Variants in ABTB3 observed in about 807,000 individuals in gnomAD.
ABTB3 encodes ankyrin repeat- and BTB/POZ domain-containing protein 3.
the ABTB3 span, among the ~76,000 whole-genome samples, chr12:107,338,845 T>A: frequency 6.6e-6 from 1 of 152,154 alleles, no homozygotes; most frequent in Non-Finnish European, 1.5e-5. Flanking sequence ...AGACAGAGTC[T>A]CTCTCTATTG....
the ABTB3 span, among the ~76,000 whole-genome samples, chr12:107,519,094 C>G: frequency 6.6e-6 from 1 of 152,100 alleles, no homozygotes; most frequent in Non-Finnish European, 1.5e-5. Flanking sequence ...TAGTTTTCAC[C>G]ACAATAACGG....
chr12:107,449,321 A>T, the ABTB3 span, among the ~76,000 whole-genome samples: 1 of 152,034 alleles, frequency 6.6e-6, no homozygotes, highest in Non-Finnish European at 1.5e-5. Context: ...GATGAAGCAG[A>T]CCTCCCAGCA....
chr12:107,385,766 G>A, the ABTB3 span, among the ~76,000 whole-genome samples: 5 of 152,284 alleles, frequency 3.3e-5, no homozygotes, highest in African/African-American at 1.2e-4. Context: ...CCTGACTCAA[G>A]TTGGGCAGTC....
chr12:107,329,196 G>T, the ABTB3 span, among the ~76,000 whole-genome samples: 1 of 152,308 alleles, frequency 6.6e-6, no homozygotes, highest in East Asian at 1.9e-4. Flanking sequence ...TACTGCAGAG[G>T]AGACTGAGGC....
chr12:107,463,554 C>T, the ABTB3 span, among the ~76,000 whole-genome samples: 1 of 152,092 alleles, frequency 6.6e-6, no homozygotes, highest in Non-Finnish European at 1.5e-5. Flanking sequence ...GCAACTTGAC[C>T]AGAGTCCCAC....
At chr12:107,428,566 G>A in the ABTB3 span, among the ~76,000 whole-genome samples, 5 of 152,114 alleles carry the variant, frequency 3.3e-5, no homozygotes, top group Non-Finnish European at 7.4e-5. Flanking sequence ...CCTCTCAGAG[G>A]GTCCCAGCAA....
the ABTB3 span, among the ~76,000 whole-genome samples, chr12:107,469,869 T>C: frequency 3.7e-3 from 293 of 79,722 alleles, 1 homozygote; most frequent in Non-Finnish European, 4.7e-3. Flanking sequence ...TTCTTTCTTT[T>C]CTTTCTTTCT....
the ABTB3 span, among the ~76,000 whole-genome samples, chr12:107,640,837 T>C: frequency 6.6e-6 from 1 of 152,212 alleles, no homozygotes; most frequent in Non-Finnish European, 1.5e-5. Context: ...CATGTAACAA[T>C]AGGAAGAACT....
At chr12:107,554,376 G>A in the ABTB3 span, among the ~76,000 whole-genome samples, 1 of 152,048 alleles carries the variant, frequency 6.6e-6, no homozygotes, top group Middle Eastern at 3.4e-3. Flanking sequence ...GAGCCAGAAT[G>A]CCTAGGTGAA....
At chr12:107,443,997 A>G in the ABTB3 span, among the ~76,000 whole-genome samples, 1 of 152,160 alleles carries the variant, frequency 6.6e-6, no homozygotes, top group African/African-American at 2.4e-5. Flanking sequence ...CCAGAGATGA[A>G]CACAGAGCCT....
the ABTB3 span, among the ~76,000 whole-genome samples, chr12:107,577,363 T>C: frequency 6.6e-6 from 1 of 152,154 alleles, no homozygotes; most frequent in African/African-American, 2.4e-5. Flanking sequence ...AGGGCTGGGA[T>C]TCAGTTCTGC....
the ABTB3 span, among the ~76,000 whole-genome samples, chr12:107,476,007 G>A: frequency 3.3e-5 from 5 of 152,310 alleles, no homozygotes; most frequent in South Asian, 4.1e-4. Context: ...GATTAAAGCC[G>A]TGGATCACAC....
the ABTB3 span, chr12:107,610,274 G>T: frequency 6.2e-7 from 1 of 1,614,196 alleles, no homozygotes; most frequent in South Asian, 1.1e-5. Flanking sequence ...GTTTCCGGAT[G>T]CTGAACTGTG....
chr12:107,615,251 C>G, the ABTB3 span: 3 of 988,584 alleles, frequency 3.0e-6, no homozygotes, highest in Non-Finnish European at 4.7e-6. Flanking sequence ...TGCATATTCT[C>G]TAAGACATTC....
chr12:107,580,993 C>T, the ABTB3 span: 2 of 1,552,020 alleles, frequency 1.3e-6, no homozygotes, highest in Non-Finnish European at 1.7e-6. Context: ...TCTCCCACTA[C>T]TCTGGAATTC....
At chr12:107,602,078 G>A in the ABTB3 span, among the ~76,000 whole-genome samples, 1 of 152,154 alleles carries the variant, frequency 6.6e-6, no homozygotes, top group African/African-American at 2.4e-5. Flanking sequence ...AGTGAGGTCA[G>A]GATTGGTCCT....
chr12:107,334,940 CTG>C, the ABTB3 span, among the ~76,000 whole-genome samples: 1 of 152,152 alleles, frequency 6.6e-6, no homozygotes. Flanking sequence ...CCCCCAAACT[CTG>C]TGAGTATTTC....
chr12:107,320,992 G>C, the ABTB3 span, among the ~76,000 whole-genome samples: 7 of 152,204 alleles, frequency 4.6e-5, no homozygotes, highest in African/African-American at 1.4e-4. Flanking sequence ...GTCCTTGAAG[G>C]GGGTGGGGCC....
At chr12:107,406,660 T>C in the ABTB3 span, among the ~76,000 whole-genome samples, 1 of 152,172 alleles carries the variant, frequency 6.6e-6, no homozygotes, top group Non-Finnish European at 1.5e-5. Flanking sequence ...TCAGGTACTG[T>C]TGTAGGCTCT....
Sources: allele counts gnomAD v4.1 joint callset (sites outside exome capture counted in the v4.1 genomes callset), GRCh38; gene constraint gnomAD v4.1.1; transcripts MANE v1.5; gene names NCBI Gene and HGNC (gene_info 2026-07-23, HGNC 2026-07-21).